SMPX: variants seen among roughly 807,000 people sequenced by gnomAD.
SMPX encodes the protein small muscular protein.
A neutral mutation model predicts 6.3 loss-of-function variants in SMPX; 2 were observed. The observed-to-expected ratio is 0.32, with a 90% CI of 0.13 to 0.99. SMPX has a LOEUF of 0.99. Ranked by LOEUF, SMPX falls within the 50% of genes least tolerant of loss-of-function variation. The pLI is 0.49. For synonymous variants in SMPX, 32 were observed against 24.7 expected, an observed-to-expected ratio of 1.30 and a Z score of -0.88; for missense variants, 60 against 66.8, an observed-to-expected ratio of 0.90 and a Z score of 0.36.
chrX:21,732,947 AG>A (rs749780195), intron 4 of SMPX, among the ~76,000 whole-genome samples: 1 of 111,759 alleles, frequency 8.9e-6, no homozygotes, highest in African/African-American at 3.2e-5. Flanking sequence ...TCTGCAAGCC[AG>A]GAAGAGAACC....
rs762109755 is a variant in SMPX, at chrX:21,720,926, G to A, written c.*15-14532C>T. 9.8e-5 allele frequency among the ~76,000 whole-genome samples: 11 copies of A among 112,530 alleles called. No homozygotes were observed. The South Asian group carries it at 4.1e-3, about 42-fold the overall frequency. ...TGTTAAAAGAAACGCCAATGGAATGGGCACTTATTTGGGTTCTCCCTATAA... is the reference window on the plus strand; with the variant it reads ...TGTTAAAAGAAACGCCAATGGAATGAGCACTTATTTGGGTTCTCCCTATAA... On this transcript the variant is annotated intron_variant, in intron 4 of 4. Transcript: ENST00000379494.
intron 4 of SMPX, among the ~76,000 whole-genome samples, chrX:21,717,395 C>T (rs1304559810): frequency 3.6e-5 from 4 of 112,279 alleles, no homozygotes; most frequent in African/African-American, 1.3e-4. Context: ...AACTGTGAGT[C>T]AAACCTCTTT....
intron 4 of SMPX, among the ~76,000 whole-genome samples, chrX:21,731,016 C>A (rs2092802549): frequency 9.0e-6 from 1 of 111,136 alleles, no homozygotes; most frequent in South Asian, 3.8e-4. Flanking sequence ...TGTAAACTTT[C>A]CTCTAAGTAC....
chrX:21,737,501 C>T (rs1430744107), intron 4 of SMPX, 48 bp downstream of exon 4: 8 of 1,109,479 alleles, frequency 7.2e-6, no homozygotes, highest in Middle Eastern at 3.4e-4. Context: ...TTCCTTAAAC[C>T]ATTTTACAGA....
intron 4 of SMPX, among the ~76,000 whole-genome samples, chrX:21,710,654 C>T (rs866550406): frequency 9.0e-6 from 1 of 111,597 alleles, no homozygotes; most frequent in Middle Eastern, 4.6e-3. Flanking sequence ...GCATGGAATT[C>T]TTAACATAAC....
At chrX:21,756,646 T>A (rs749574329) in intron 1 of SMPX, among the ~76,000 whole-genome samples, 9 of 112,809 alleles carry the variant, frequency 8.0e-5, no homozygotes, top group Non-Finnish European at 1.3e-4. Context: ...TCCCTGCCCC[T>A]GCAGTCACCT....
chrX:21,733,614 G>A lies in SMPX; in HGVS notation c.*14+3935C>T, dbSNP rs745809845. The A allele has an allele frequency of 3.2e-5, 9 of 278,713 alleles. No homozygotes were observed. The East Asian group carries it at 7.5e-4, about 23-fold the overall frequency. 23.0% of individuals were successfully genotyped at this position (278,713 alleles called of 1,213,427 possible). ...CAAGGCTTTCAATTGCGACTTTCTC[G>A]GTGCTTATTAGCATCATTGTAGAAT... On this transcript the variant is annotated intron_variant, in intron 4 of 4. Transcript: ENST00000379494.
In SMPX at chrX:21,739,930, A is replaced by T. The variant is rs193298799; in HGVS notation, c.133-2233T>A. ...TGTACTTACATGTTTATATGCAAAA[A>T]TTTTTGCAGTGAGCATTTGCAGATT... On this transcript the variant is annotated intron_variant, in intron 3 of 4. Coordinates refer to ENST00000379494, the MANE Select transcript of SMPX (RefSeq NM_014332.3). Among the ~76,000 whole-genome samples, 286 of 112,229 alleles carry T rather than the reference A, an allele frequency of 2.5e-3. 1 individual carries two copies. Among genetic ancestry groups the T allele is most frequent in the African/African-American group, 8.9e-3 (274 of 30,936 alleles).
intron 2 of SMPX, among the ~76,000 whole-genome samples, chrX:21,749,140 A>T (rs1270192094): frequency 8.9e-6 from 1 of 112,268 alleles, no homozygotes; most frequent in Non-Finnish European, 1.9e-5. Flanking sequence ...ATTGGGTAGC[A>T]ATGGAAAACT....
chrX:21,740,454 A>G (rs967979429), intron 3 of SMPX, among the ~76,000 whole-genome samples: 4 of 112,104 alleles, frequency 3.6e-5, no homozygotes, highest in Non-Finnish European at 7.5e-5. Context: ...TGGGGGTCAC[A>G]GGGTATTTGT....
At chrX:21,750,598 C>A (rs750081594) in intron 2 of SMPX, among the ~76,000 whole-genome samples, 3 of 112,320 alleles carry the variant, frequency 2.7e-5, no homozygotes, top group Non-Finnish European at 5.6e-5. Flanking sequence ...AGGCCCTCCC[C>A]GGGCTAAGAA....
intron 4 of SMPX, among the ~76,000 whole-genome samples, chrX:21,732,362 A>G (rs1267033117): frequency 2.7e-5 from 3 of 112,296 alleles, no homozygotes; most frequent in Non-Finnish European, 5.6e-5. Flanking sequence ...TTAGTTTCCC[A>G]GAGGAATACA....
intron 2 of SMPX, among the ~76,000 whole-genome samples, chrX:21,747,634 T>C (rs981129953): frequency 1.8e-5 from 2 of 111,536 alleles, no homozygotes; most frequent in Non-Finnish European, 1.9e-5. Context: ...CTTTCCCCAG[T>C]GGGTTGGATT....
At chrX:21,715,453 T>TGAG (rs754437358) in intron 4 of SMPX, among the ~76,000 whole-genome samples, 2 of 111,535 alleles carry the variant, frequency 1.8e-5, no homozygotes, top group Non-Finnish European at 3.8e-5. Flanking sequence ...TCAGAGTCTC[T>TGAG]GGAAGTGCGA....
chrX:21,741,398 A>G (rs1447762488), intron 3 of SMPX, among the ~76,000 whole-genome samples: 1 of 112,140 alleles, frequency 8.9e-6, no homozygotes, highest in Non-Finnish European at 1.9e-5. Flanking sequence ...GATGATAATG[A>G]TAGTAAATGT....
At chrX:21,735,110 G>A (rs2092809156) in intron 4 of SMPX, among the ~76,000 whole-genome samples, 1 of 111,624 alleles carries the variant, frequency 9.0e-6, no homozygotes, top group South Asian at 3.8e-4. Flanking sequence ...AATCCAACCA[G>A]TGAAGGGTTA....
At chrX:21,751,563 T>TG (rs1256919110) in intron 2 of SMPX, among the ~76,000 whole-genome samples, 2 of 112,256 alleles carry the variant, frequency 1.8e-5, no homozygotes, top group East Asian at 5.6e-4. Context: ...CTCAAAGTCA[T>TG]GCAGCTAGCA....
At chrX:21,733,920 G>A (rs1232639140) in intron 4 of SMPX, among the ~76,000 whole-genome samples, 1 of 111,250 alleles carries the variant, frequency 9.0e-6, no homozygotes, top group Non-Finnish European at 1.9e-5. Flanking sequence ...TGATCTCTGA[G>A]CCTCTGTTTA....
At chrX:21,744,494 T>C (rs2147390879) in intron 2 of SMPX, among the ~76,000 whole-genome samples, 1 of 112,132 alleles carries the variant, frequency 8.9e-6, no homozygotes, top group African/African-American at 3.2e-5. Context: ...CCATCAGTGG[T>C]AAACATAAAA....
Sources: allele counts gnomAD v4.1 joint callset (sites outside exome capture counted in the v4.1 genomes callset), GRCh38; gene constraint gnomAD v4.1.1; transcripts MANE v1.5; gene names NCBI Gene and HGNC (gene_info 2026-07-23, HGNC 2026-07-21).